Variants in BCAT2 observed in about 807,000 individuals in gnomAD.
BCAT2 encodes branched-chain-amino-acid aminotransferase, mitochondrial.
BCAT2 carries 44 observed loss-of-function variants against 52.9 expected under a neutral mutation model. The ratio of observed to expected loss-of-function variants is 0.83; its 90% CI spans 0.65 to 1.07. BCAT2 has a LOEUF of 1.07. Ranked by LOEUF, BCAT2 falls within the 50% of genes least tolerant of loss-of-function variation. BCAT2 has a pLI of 0.00. For missense variants in BCAT2, 478 were observed against 521.8 expected (o/e 0.92, Z 0.82); for synonymous variants, 215 against 217.1 (o/e 0.99, Z 0.08).
At chr19:48,797,876 G>A (rs1285922716) in intron 6 of BCAT2, among the ~76,000 whole-genome samples, 1 of 150,906 alleles carries the variant, frequency 6.6e-6, no homozygotes, top group African/African-American at 2.4e-5. Flanking sequence ...GAGTGCAGTG[G>A]TGCGATCTCA....
At chr19:48,796,912 T>G in intron 8 of BCAT2, 25 bp downstream of exon 8, 5 of 1,612,588 alleles carry the variant, frequency 3.1e-6, no homozygotes, top group Non-Finnish European at 4.2e-6. Flanking sequence ...ATGGCGCCCA[T>G]CACCAGAAGA....
At chr19:48,810,900 G>C in intron 1 of BCAT2, 84 bp downstream of exon 1, 1 of 1,559,358 alleles carries the variant, frequency 6.4e-7, no homozygotes, top group Non-Finnish European at 8.7e-7. Context: ...GCGCCGAGTC[G>C]GACCGGCTGC....
rs557140022 is a variant in BCAT2 at position 48,795,215 on chromosome 19, T to G, written c.*211A>C. 4 of 634,792 alleles carry G rather than the reference T, an allele frequency of 6.3e-6. No homozygotes were observed. The highest frequency in any genetic ancestry group is 1.1e-5 in the Non-Finnish European group (4 of 356,638). The allele number at this position is 634,792 out of a possible 1,614,324, so 39.3% of individuals were successfully genotyped here. On this transcript the variant is annotated 3_prime_UTR_variant, in exon 11 of 11. Transcript: ENST00000316273. ...CACGACAAGGAGTAATGGGCGGACC[T>G]GAACCCGCGACGAGGGGCTGGGGGC... is the stretch of plus-strand genomic sequence containing the variant.
At position 48,800,317 on chromosome 19, in the gene BCAT2, G is replaced by A. The variant is rs745664535; in HGVS notation, c.301-20C>T. ...AAACAGCTGCGGGGACACGCGGGTGGGGAGGCTCAGAGACTTCTCCAGACA... is the reference window on the plus strand; with the variant it reads ...AAACAGCTGCGGGGACACGCGGGTGAGGAGGCTCAGAGACTTCTCCAGACA... On this transcript the variant is annotated intron_variant, in intron 3 of 10. Coordinates refer to ENST00000316273, the MANE Select transcript of BCAT2 (RefSeq NM_001190.4). 1.2e-6 allele frequency: 2 copies of A among 1,608,572 alleles called. No individual in the cohort carries two copies. The highest frequency in any genetic ancestry group is 1.1e-5 in the South Asian group (1 of 90,800).
In BCAT2 at chr19:48,795,368, C is replaced by A. The variant is rs369177255; in HGVS notation, c.*58G>T. ...TTCAGGTGAGTCATTGGTAGGGAGG[C>A]GAGTGCTGGCGTGACGAGATGCTAC... On this transcript the variant is annotated 3_prime_UTR_variant, in exon 11 of 11. Coordinates refer to ENST00000316273, the MANE Select transcript of BCAT2 (RefSeq NM_001190.4). The A allele has an allele frequency of 2.5e-6, 4 of 1,608,728 alleles. No homozygotes were observed. The highest frequency in any genetic ancestry group is 3.4e-6 in the Non-Finnish European group (4 of 1,176,070).
chr19:48,796,484 T>C lies in BCAT2; in HGVS notation c.1084A>G (p.Met362Val). The C allele has an allele frequency of 6.2e-7, 1 of 1,613,798 alleles. No individual in the cohort carries two copies. Among genetic ancestry groups the C allele is most frequent in the Non-Finnish European group, 8.5e-7 (1 of 1,179,964 alleles). ...YKDRNLHIPT[M>V]ENGPELILRF... ...AGGATCAGCTCAGGCCCATTTTCCA[T>C]GGTGGGAATGTGGAGGTTCTGGGAC... Residue 362 changes from methionine to valine, a missense_variant, in exon 10 of 11, where the codon ATG becomes GTG. Physicochemically the swap from Met to Val is conservative, Grantham distance 21. Transcript: ENST00000316273.
Position 48,800,040 on chromosome 19 carries a change from A to C in BCAT2, c.472T>G (p.Trp158Gly), listed in dbSNP as rs755095307. ...IRRLIEVDKD[W>G]VPDAAGTSLY... Reference sequence around the variant, plus strand: ...CTGGTGCCGGCGGCATCGGGGACCCAGTCCTTGTCCACTTCGATGAGCCGG... The same window carrying C: ...CTGGTGCCGGCGGCATCGGGGACCCCGTCCTTGTCCACTTCGATGAGCCGG... Residue 158 changes from tryptophan (W) to glycine (G), a missense_variant, in exon 5 of 11, where the codon TGG becomes GGG. Transcript: ENST00000316273. The C allele has an allele frequency of 1.2e-6, 2 of 1,613,952 alleles. No homozygotes were observed. The highest frequency in any genetic ancestry group is 1.1e-5 in the South Asian group (1 of 91,082).
At chr19:48,800,143 G>A (rs761017025) in intron 4 of BCAT2, 43 bp from the exon 5 acceptor site, 135 of 1,612,422 alleles carry the variant, frequency 8.4e-5, no homozygotes, top group South Asian at 1.5e-4. Context: ...TTGCTGCCCC[G>A]GCCCCAGCCC....
intron 1 of BCAT2, among the ~76,000 whole-genome samples, chr19:48,810,230 T>G (rs2034889312): frequency 6.6e-6 from 1 of 152,210 alleles, no homozygotes; most frequent in Non-Finnish European, 1.5e-5. Flanking sequence ...AAGTCAGGTG[T>G]AAAGTTAACA....
rs754704131 is a variant in BCAT2, at chr19:48,806,708, G to A, written c.109C>T (p.Leu37=). The change falls in exon 3 of 11, where the codon CTG becomes TTG. Residue 37 remains leucine, a synonymous_variant. Transcript: ENST00000316273. ...YASSSFKAAD[L]QLEMTQKPHK... is the part of the protein sequence containing the mutation. Reference sequence around the variant, plus strand: ...GGCTTCTGTGTCATTTCCAGCTGCAGGTCTGCAGCCTGAGGAAAGACAGGG... The same window carrying A: ...GGCTTCTGTGTCATTTCCAGCTGCAAGTCTGCAGCCTGAGGAAAGACAGGG... 1.1e-5 allele frequency: 18 copies of A among 1,613,092 alleles called. No individual in the cohort carries two copies. The highest frequency in any genetic ancestry group is 1.4e-5 in the Non-Finnish European group (16 of 1,180,034).
At position 48,807,609 on chromosome 19, in the gene BCAT2, A is replaced by G; in HGVS notation, c.25-535T>C. The G allele has an allele frequency of 1.4e-6, 1 of 701,936 alleles. No homozygotes were observed. The highest frequency in any genetic ancestry group is 1.8e-6 in the Non-Finnish European group (1 of 570,114). 43.5% of individuals were successfully genotyped at this position (701,936 alleles called of 1,614,324 possible). On this transcript the variant is annotated intron_variant, in intron 1 of 10. Transcript: ENST00000316273. The surrounding 1 kb of genome is among the most constrained non-coding windows in gnomAD (Gnocchi z 4.6). The stretch of plus-strand genomic sequence containing the variant: ...CCTCAGACCCTGGAGTCCAGGCCTC[A>G]GACCCTCCTCCCTTACATCCAGGAG...
In BCAT2 at chr19:48,800,101, C is replaced by T. The variant is rs1229120759; in HGVS notation, c.412-1G>A. The T allele has an allele frequency of 6.2e-7, 1 of 1,613,946 alleles. No individual in the cohort carries two copies. On this transcript the variant is annotated splice_acceptor_variant, in intron 4 of 10. Transcript: ENST00000316273. LOFTEE classifies it high-confidence loss of function. The stretch of plus-strand genomic sequence containing the variant: ...CCAGCAACTCCAGCTTGTCGAAACT[C>T]TGGGTGGGATTCTGAATGAGTCAAG...
At chr19:48,795,721 AG>A in intron 10 of BCAT2, 2 of 543,510 alleles carry the variant, frequency 3.7e-6, no homozygotes, top group South Asian at 4.6e-5. Context: ...AGTCACTTTC[AG>A]CTCAGAAAGC....
chr19:48,800,789 C>T (rs1346342267), intron 3 of BCAT2, among the ~76,000 whole-genome samples: 1 of 151,692 alleles, frequency 6.6e-6, no homozygotes, highest in African/African-American at 2.4e-5. Flanking sequence ...AGCCTGGGAC[C>T]TAGTTTTTTT....
At position 48,807,111 on chromosome 19, in the gene BCAT2, G is replaced by A. The variant is rs370497247; in HGVS notation, c.25-37C>T. On this transcript the variant is annotated intron_variant, in intron 1 of 10. Transcript: ENST00000316273. The surrounding 1 kb of genome is among the most constrained non-coding windows in gnomAD (Gnocchi z 4.6). ...AAGAAGTGAGAGAGGGGGTGAGTGGGGCACAGCAGGGGCCCTGGCAGCTCG... is the reference window on the plus strand; with the variant it reads ...AAGAAGTGAGAGAGGGGGTGAGTGGAGCACAGCAGGGGCCCTGGCAGCTCG... 1.9e-6 allele frequency: 3 copies of A among 1,568,724 alleles called. No individual in the cohort carries two copies. The highest frequency in any genetic ancestry group is 2.2e-5 in the East Asian group (1 of 44,616).
rs779848230 is a variant in BCAT2, at chr19:48,806,700, C to T, written c.117G>A (p.Leu39=). ...TCTTATGAGGCTTCTGTGTCATTTC[C>T]AGCTGCAGGTCTGCAGCCTGAGGAA... The part of the protein sequence containing the change: ...SSSFKAADLQ[L]EMTQKPHKKP... Residue 39 remains leucine, a synonymous_variant, in exon 3 of 11, where the codon CTG becomes CTA. Coordinates refer to ENST00000316273, the MANE Select transcript of BCAT2 (RefSeq NM_001190.4). The T allele has an allele frequency of 1.2e-6, 2 of 1,613,526 alleles. No homozygotes were observed. The highest frequency in any genetic ancestry group is 8.5e-7 in the Non-Finnish European group (1 of 1,180,040).
At chr19:48,810,925 C>G in intron 1 of BCAT2, 59 bp downstream of exon 1, 1 of 1,587,346 alleles carries the variant, frequency 6.3e-7, no homozygotes, top group East Asian at 2.3e-5. Flanking sequence ...CAGTGGTCTT[C>G]CCGGAAGTGC....
intron 1 of BCAT2, among the ~76,000 whole-genome samples, chr19:48,810,201 A>G (rs1186267701): frequency 4.6e-5 from 7 of 152,236 alleles, no homozygotes; most frequent in African/African-American, 1.7e-4. Flanking sequence ...TTCATCAGCT[A>G]GGATAAGAGA....
chr19:48,801,960 G>A (rs1007408019), intron 3 of BCAT2, among the ~76,000 whole-genome samples: 1 of 147,312 alleles, frequency 6.8e-6, no homozygotes, highest in African/African-American at 2.5e-5. Context: ...CCAATTTCTT[G>A]TACAGATAGG....
Sources: allele counts gnomAD v4.1 joint callset (sites outside exome capture counted in the v4.1 genomes callset), GRCh38; gene constraint gnomAD v4.1.1; non-coding constraint Gnocchi (gnomAD v3.1); transcripts MANE v1.5; gene names NCBI Gene and HGNC (gene_info 2026-07-23, HGNC 2026-07-21).